SPIRE1: variants seen among roughly 807,000 people sequenced by gnomAD.
SPIRE1 encodes spire type actin nucleation factor 1.
In SPIRE1, 40 loss-of-function variants were observed where a neutral mutation model predicts 94.1. The ratio of observed to expected loss-of-function variants is 0.43; its 90% confidence interval spans 0.33 to 0.55. The LOEUF is 0.55. Among genes scored for constraint, SPIRE1 ranks in the 20% least tolerant of loss-of-function variants. The pLI is 0.06. For synonymous variants in SPIRE1, 376 were observed against 371.7 expected, an observed-to-expected ratio of 1.01 and a Z score of -0.13; for missense variants, 838 against 975.2, an observed-to-expected ratio of 0.86 and a Z score of 1.87.
chr18:12,509,557 A>G (rs1464874015), intron 5 of SPIRE1, among the ~76,000 whole-genome samples: 1 of 152,172 alleles, frequency 6.6e-6, no homozygotes, highest in African/African-American at 2.4e-5. Context: ...TTTTAAGACA[A>G]TGTAGGCAAG....
Position 12,637,697 on chromosome 18 carries a change from G to A in SPIRE1, c.338-2601C>T, listed in dbSNP as rs373788133. Among the ~76,000 whole-genome samples, 83 of 152,268 alleles carry A rather than the reference G, an allele frequency of 5.5e-4. 1 individual carries two copies. The highest frequency in any genetic ancestry group is 2.9e-3 in the South Asian group (14 of 4,816). On this transcript the variant is annotated intron_variant, in intron 1 of 16. Transcript: ENST00000409402. The stretch of plus-strand genomic sequence containing the variant: ...AAAGTGGGAGAAGCCCATGGGGCAC[G>A]CCAAGCCCATTCCCCTTCAACAGAA...
At chr18:12,612,020 A>G (rs12953578) in intron 2 of SPIRE1, among the ~76,000 whole-genome samples, 84,939 of 151,748 alleles carry the variant, frequency 0.56, 24,940 homozygotes, top group Middle Eastern at 0.76. Flanking sequence ...ACCCTTTACA[A>G]AAAAATGCCT....
At chr18:12,600,100 A>G (rs2036789879) in intron 2 of SPIRE1, among the ~76,000 whole-genome samples, 1 of 123,540 alleles carries the variant, frequency 8.1e-6, no homozygotes, top group Non-Finnish European at 1.8e-5. Flanking sequence ...GCCAATGGCC[A>G]GCAAAAAAAA....
chr18:12,469,456 A>G (rs970660810), intron 10 of SPIRE1, among the ~76,000 whole-genome samples: 8 of 151,056 alleles, frequency 5.3e-5, no homozygotes, highest in African/African-American at 1.9e-4. Flanking sequence ...TTGGCCTCCC[A>G]AAGTGCTGGG....
chr18:12,508,829 T>C (rs768357438), intron 5 of SPIRE1, among the ~76,000 whole-genome samples: 2 of 152,026 alleles, frequency 1.3e-5, no homozygotes, highest in African/African-American at 2.4e-5. Flanking sequence ...TGCCCGCCAC[T>C]ATGCCAAGCT....
At chr18:12,460,586 C>T (rs1698513539) in intron 12 of SPIRE1, among the ~76,000 whole-genome samples, 1 of 152,034 alleles carries the variant, frequency 6.6e-6, no homozygotes, top group African/African-American at 2.4e-5. Flanking sequence ...GTGGCACATG[C>T]CTATAATCCC....
At chr18:12,582,260 T>C (rs1387687098) in intron 2 of SPIRE1, among the ~76,000 whole-genome samples, 1 of 152,200 alleles carries the variant, frequency 6.6e-6, no homozygotes, top group Admixed American at 6.5e-5. Context: ...ATTATTTATA[T>C]GGTTAATGAA....
intron 10 of SPIRE1, among the ~76,000 whole-genome samples, chr18:12,467,133 A>G (rs2032140935): frequency 6.6e-6 from 1 of 152,124 alleles, no homozygotes; most frequent in African/African-American, 2.4e-5. Context: ...TATAAAAATT[A>G]GCTGGATGGT....
chr18:12,612,964 C>A (rs1025180127), intron 2 of SPIRE1, among the ~76,000 whole-genome samples: 1 of 152,228 alleles, frequency 6.6e-6, no homozygotes, highest in East Asian at 1.9e-4. Context: ...CTCCCCATCA[C>A]AGGGCCCTAT....
At chr18:12,462,721 G>A (rs1392345397) in intron 12 of SPIRE1, among the ~76,000 whole-genome samples, 3 of 152,022 alleles carry the variant, frequency 2.0e-5, no homozygotes, top group African/African-American at 7.3e-5. Context: ...ATCACCTACT[G>A]TAGTCATTTT....
upstream of SPIRE1, chr18:12,658,249 G>A (rs772817958): frequency 6.4e-6 from 3 of 468,970 alleles, no homozygotes; most frequent in East Asian, 8.2e-5. Context: ...CGAGATGGCC[G>A]CACGGTCTCT....
chr18:12,601,029 G>A (rs949419324), intron 2 of SPIRE1, among the ~76,000 whole-genome samples: 3 of 152,040 alleles, frequency 2.0e-5, no homozygotes, highest in South Asian at 2.1e-4. Flanking sequence ...GCCCATTATC[G>A]TTAGTTATTC....
intron 3 of SPIRE1, among the ~76,000 whole-genome samples, chr18:12,541,693 T>C (rs902148209): frequency 5.9e-5 from 9 of 152,160 alleles, no homozygotes; most frequent in African/African-American, 2.2e-4. Flanking sequence ...CTATGTCCTA[T>C]TTATAGTGTC....
chr18:12,471,945 G>A (rs148002880), intron 10 of SPIRE1, among the ~76,000 whole-genome samples: 15 of 151,512 alleles, frequency 9.9e-5, no homozygotes, highest in Admixed American at 2.6e-4. Context: ...CCACCACACC[G>A]GGCTAATTTT....
intron 1 of SPIRE1, chr18:12,656,552 T>C (rs377346701): frequency 2.6e-4 from 49 of 187,880 alleles, no homozygotes; most frequent in African/African-American, 1.1e-3. Flanking sequence ...GTCATTTTAC[T>C]AATTCGAAAT....
At chr18:12,652,947 G>A (rs1360053952) in intron 1 of SPIRE1, 2 of 152,162 alleles carry the variant, frequency 1.3e-5, no homozygotes, top group African/African-American at 4.8e-5. Context: ...GAACCAGTAC[G>A]ACTCATTCAG....
intron 9 of SPIRE1, 87 bp downstream of exon 9, chr18:12,485,872 C>T: frequency 1.0e-6 from 1 of 1,004,146 alleles, no homozygotes; most frequent in Admixed American, 2.6e-5. Context: ...TCTTTTTTAA[C>T]ATGTTTGAAC....
intron 10 of SPIRE1, among the ~76,000 whole-genome samples, chr18:12,466,085 G>GA (rs1448888482): frequency 1.3e-4 from 18 of 139,290 alleles, no homozygotes; most frequent in Non-Finnish European, 1.6e-4. Context: ...CTCCGTCTCA[G>GA]AAAAAAAAAA....
At chr18:12,515,614 C>G (rs1367941183) in intron 4 of SPIRE1, among the ~76,000 whole-genome samples, 1 of 152,184 alleles carries the variant, frequency 6.6e-6, no homozygotes, top group Non-Finnish European at 1.5e-5. Flanking sequence ...CCCTCTGTTT[C>G]AGGAACAACG....
Sources: allele counts gnomAD v4.1 joint callset (sites outside exome capture counted in the v4.1 genomes callset), GRCh38; gene constraint gnomAD v4.1.1; transcripts MANE v1.5; gene names NCBI Gene and HGNC (gene_info 2026-07-23, HGNC 2026-07-21).